Variants in FRMD5 observed in about 807,000 individuals in gnomAD.
FRMD5 encodes FERM domain-containing protein 5.
Under a neutral mutation model 69.0 loss-of-function variants are expected in FRMD5, and 20 were observed. That is an observed-to-expected ratio of 0.29 (90% CI 0.20 to 0.42). FRMD5 has a LOEUF of 0.42. Among genes scored for constraint, FRMD5 ranks in the 10% least tolerant of loss-of-function variants. The pLI is 1.00. For synonymous variants in FRMD5, 271 were observed against 260.1 expected (o/e 1.04, Z -0.40); for missense variants, 595 against 708.6 (o/e 0.84, Z 1.82).
At chr15:44,065,850 A>G (rs953205388) in intron 1 of FRMD5, among the ~76,000 whole-genome samples, 3 of 152,226 alleles carry the variant, frequency 2.0e-5, no homozygotes, top group Non-Finnish European at 4.4e-5. Flanking sequence ...TGGGAGATGA[A>G]CATGACATCC....
rs564127623 is a variant in FRMD5 at position 44,039,597 on chromosome 15, G to T, written c.103-115288C>A. On this transcript the variant is annotated intron_variant, in intron 1 of 13. Coordinates refer to ENST00000417257, the MANE Select transcript of FRMD5 (RefSeq NM_032892.5). ...AGAAGAGGGGCCTGGCTGTTAGAAG[G>T]AGAACTAACAGACAGAAAGGAATAG... Among the ~76,000 whole-genome samples, 3 of 152,258 alleles carry T rather than the reference G, an allele frequency of 2.0e-5. No individual in the cohort carries two copies. The South Asian group carries it at 6.2e-4, about 32-fold the overall frequency.
At chr15:43,899,605 C>T (rs1405651116) in intron 7 of FRMD5, among the ~76,000 whole-genome samples, 2 of 152,202 alleles carry the variant, frequency 1.3e-5, no homozygotes, top group Non-Finnish European at 2.9e-5. Context: ...AAAGACTCCA[C>T]TGAGGCCGCC....
At chr15:43,887,377 G>A (rs2088688018) in intron 10 of FRMD5, among the ~76,000 whole-genome samples, 1 of 152,152 alleles carries the variant, frequency 6.6e-6, no homozygotes, top group African/African-American at 2.4e-5. Flanking sequence ...AAGGGAGGGT[G>A]GTAGCAAAAG....
At chr15:43,924,451 T>C in intron 1 of FRMD5, 142 bp from the exon 2 acceptor site, 1 of 627,466 alleles carries the variant, frequency 1.6e-6, no homozygotes, top group Non-Finnish European at 2.8e-6. Flanking sequence ...GTCCTCCACA[T>C]TGTGATACAT....
chr15:44,008,089 ATTTTTTTTT>A (rs35785368), intron 1 of FRMD5, among the ~76,000 whole-genome samples: 7 of 62,806 alleles, frequency 1.1e-4, no homozygotes, highest in South Asian at 6.6e-4. Context: ...ACAATCGGCA[ATTTTTTTTT>A]TTTTTTTTTT....
In FRMD5 at chr15:43,874,473, A is replaced by G; in HGVS notation, c.1136-11T>C. On this transcript the variant is annotated splice_polypyrimidine_tract_variant and intron_variant, in intron 13 of 13. Coordinates refer to ENST00000417257, the MANE Select transcript of FRMD5 (RefSeq NM_032892.5). The stretch of plus-strand genomic sequence containing the variant: ...GTAAGGACTCTAGGCCTAGAAAGGC[A>G]AAAGGAACATGAGTAGGCTGTGTCC... 3 of 1,607,670 alleles carry G rather than the reference A, an allele frequency of 1.9e-6. No individual in the cohort carries two copies. The East Asian group carries it at 6.7e-5, about 36-fold the overall frequency.
At chr15:44,053,090 G>A (rs1892733442) in intron 1 of FRMD5, among the ~76,000 whole-genome samples, 1 of 152,202 alleles carries the variant, frequency 6.6e-6, no homozygotes, top group Non-Finnish European at 1.5e-5. Context: ...GTCAGGGAAG[G>A]CTTCCCAGAG....
chr15:43,908,280 A>G (rs572490459), intron 5 of FRMD5, among the ~76,000 whole-genome samples: 3 of 149,836 alleles, frequency 2.0e-5, no homozygotes, highest in Non-Finnish European at 3.0e-5. Context: ...GTGAGCCGAG[A>G]TCACACCACT....
chr15:44,155,950 T>G (rs184414158), intron 1 of FRMD5, among the ~76,000 whole-genome samples: 3 of 151,834 alleles, frequency 2.0e-5, no homozygotes, highest in Non-Finnish European at 2.9e-5. Context: ...AGGAATATAA[T>G]GAAATATGCA....
intron 1 of FRMD5, among the ~76,000 whole-genome samples, chr15:43,999,970 A>AC (rs1890131328): frequency 9.5e-5 from 1 of 10,488 alleles, no homozygotes; most frequent in African/African-American, 1.2e-4. Flanking sequence ...ATATATATAT[A>AC]TATATATATA....
intron 5 of FRMD5, among the ~76,000 whole-genome samples, chr15:43,908,318 A>AC: frequency 9.0e-6 from 1 of 110,796 alleles, no homozygotes; most frequent in African/African-American, 3.0e-5. Context: ...ACAGAGCCAG[A>AC]TCCTGTCTCA....
At chr15:44,188,496 A>T (rs930610661) in intron 1 of FRMD5, among the ~76,000 whole-genome samples, 2 of 152,188 alleles carry the variant, frequency 1.3e-5, no homozygotes, top group African/African-American at 4.8e-5. Context: ...CCTAAGAATC[A>T]CCTGGAAGAC....
intron 1 of FRMD5, among the ~76,000 whole-genome samples, chr15:44,019,544 T>C (rs921136836): frequency 6.6e-5 from 10 of 151,096 alleles, no homozygotes; most frequent in African/African-American, 2.4e-4. Flanking sequence ...GAGACCAGCC[T>C]GGCCAACATG....
intron 1 of FRMD5, chr15:44,063,627 C>G: frequency 2.0e-6 from 1 of 509,244 alleles, no homozygotes; most frequent in African/African-American, 2.0e-5. Flanking sequence ...CCTTTGTTGA[C>G]CTCAACTACA....
rs564936762 is a variant in FRMD5 at position 43,983,883 on chromosome 15, A to G, written c.103-59574T>C. ...GCCAGGGTCCCAGGCAGCAAGTGCTAGAGAAAATGTAAGGACAATTTATAA... is the reference window on the plus strand; with the variant it reads ...GCCAGGGTCCCAGGCAGCAAGTGCTGGAGAAAATGTAAGGACAATTTATAA... On this transcript the variant is annotated intron_variant, in intron 1 of 13. Transcript: ENST00000417257. Among the ~76,000 whole-genome samples, 3 of 152,316 alleles carry G rather than the reference A, an allele frequency of 2.0e-5. No individual in the cohort carries two copies. In the East Asian group the frequency reaches 5.8e-4, roughly 29 times the overall value.
chr15:44,018,062 T>C (rs894769886), intron 1 of FRMD5, among the ~76,000 whole-genome samples: 2 of 152,242 alleles, frequency 1.3e-5, no homozygotes, highest in Non-Finnish European at 1.5e-5. Flanking sequence ...TATTAGCATT[T>C]AAATCAATAT....
intron 1 of FRMD5, among the ~76,000 whole-genome samples, chr15:43,987,397 T>C (rs1051650683): frequency 6.6e-6 from 1 of 152,212 alleles, no homozygotes; most frequent in African/African-American, 2.4e-5. Flanking sequence ...CTTGCTGATA[T>C]GGAGAAAGTT....
chr15:43,884,688 G>C lies in FRMD5; in HGVS notation c.1028+39C>G, dbSNP rs368267913. 3.2e-6 allele frequency: 5 copies of C among 1,581,252 alleles called. No individual in the cohort carries two copies. In the African/African-American group the frequency reaches 6.7e-5, roughly 21 times the overall value. The stretch of plus-strand genomic sequence containing the variant: ...CTGCTGGATTGAGATTCTGGGATCT[G>C]AGCTACAACTGTTTGGGGGGAAGCC... On this transcript the variant is annotated intron_variant, in intron 12 of 13. Coordinates refer to ENST00000417257, the MANE Select transcript of FRMD5 (RefSeq NM_032892.5).
At chr15:44,164,252 T>C (rs752161771) in intron 1 of FRMD5, among the ~76,000 whole-genome samples, 1 of 152,248 alleles carries the variant, frequency 6.6e-6, no homozygotes, top group Non-Finnish European at 1.5e-5. Context: ...TACTTGATCA[T>C]GGTACATTCT....
Sources: gnomAD v4.1 joint callset for allele counts (sites outside exome capture counted in the v4.1 genomes callset) on GRCh38, gnomAD v4.1.1 for gene constraint, MANE v1.5 for transcripts, NCBI Gene and HGNC (gene_info 2026-07-23, HGNC 2026-07-21) for gene names.